Variants in COL4A1 observed in about 807,000 individuals in gnomAD.
COL4A1 encodes collagen alpha-1(IV) chain.
A neutral mutation model predicts 216.6 loss-of-function variants in COL4A1; 40 were observed. The observed-to-expected ratio is 0.18, with a 90% CI of 0.14 to 0.24. The LOEUF is 0.24. COL4A1 is among the 10% of genes least tolerant of loss of function. The pLI is 1.00. For synonymous variants in COL4A1, 839 were observed against 810.7 expected, an observed-to-expected ratio of 1.03 and a Z score of -0.59; for missense variants, 1,628 against 2,196.8, an observed-to-expected ratio of 0.74 and a Z score of 5.18.
intron 51 of COL4A1, among the ~76,000 whole-genome samples, 171 bp downstream of exon 51, chr13:110,152,163 G>A (rs894044811): frequency 2.0e-5 from 3 of 152,108 alleles, no homozygotes; most frequent in Non-Finnish European, 2.9e-5. Flanking sequence ...TGTGACTGAA[G>A]GTCTGCCTTT....
chr13:110,176,833 G>A lies in COL4A1; in HGVS notation c.2869+52C>T, dbSNP rs1037886458. 5 of 1,613,904 alleles carry A rather than the reference G, an allele frequency of 3.1e-6. No individual in the cohort carries two copies. In the African/African-American group the frequency reaches 6.7e-5, roughly 22 times the overall value. Reference sequence around the variant, plus strand: ...ATTTATGGAGGACCCGATAACCCAGGAAAGGCACATTGTGGTTCCGAGCTT... The same window carrying A: ...ATTTATGGAGGACCCGATAACCCAGAAAAGGCACATTGTGGTTCCGAGCTT... On this transcript the variant is annotated intron_variant, in intron 34 of 51. Coordinates refer to ENST00000375820, the MANE Select transcript of COL4A1 (RefSeq NM_001845.6).
intron 29 of COL4A1, 139 bp from the exon 30 acceptor site, chr13:110,179,560 G>T: frequency 7.8e-7 from 1 of 1,276,866 alleles, no homozygotes. Flanking sequence ...CTTTTCAAGC[G>T]TTTGCAAAGC....
rs1377114210 is a variant in COL4A1, at chr13:110,247,769, A to C, written c.85-5035T>G. Among the ~76,000 whole-genome samples, 3 of 144,660 alleles carry C rather than the reference A, an allele frequency of 2.1e-5. No homozygotes were observed. In the East Asian group the frequency reaches 6.2e-4, roughly 30 times the overall value. The allele number at this position is 144,660 out of a possible 152,430, so 94.9% of individuals were successfully genotyped here. On this transcript the variant is annotated intron_variant, in intron 1 of 51. Coordinates refer to ENST00000375820, the MANE Select transcript of COL4A1 (RefSeq NM_001845.6). ...GAATGCCTTTTTAACTGAACCGAAG[A>C]ATACCAGCTGCTATGCTACTCGTGT... is the stretch of plus-strand genomic sequence containing the variant.
chr13:110,247,834 T>TGG (rs1555311265), intron 1 of COL4A1, among the ~76,000 whole-genome samples: 28 of 87,312 alleles, frequency 3.2e-4, no homozygotes, highest in African/African-American at 1.1e-3. Context: ...TGTGTGTGTG[T>TGG]GGCAGAGAGA....
At chr13:110,231,275 G>A (rs1881048173) in intron 2 of COL4A1, among the ~76,000 whole-genome samples, 1 of 152,212 alleles carries the variant, frequency 6.6e-6, no homozygotes, top group Non-Finnish European at 1.5e-5. Context: ...ACATTCTGGA[G>A]TCTTGTACGT....
rs116950466 is a variant in COL4A1 at position 110,279,802 on chromosome 13, T to C, written c.84+27142A>G. On this transcript the variant is annotated intron_variant, in intron 1 of 51. Coordinates refer to ENST00000375820, the MANE Select transcript of COL4A1 (RefSeq NM_001845.6). ...TTTCTTTCATTCTCAACACTGACTT[T>C]CTTGGCACTACTATTCAGTGAGTCC... Among the ~76,000 whole-genome samples the C allele has an allele frequency of 2.0e-4, 30 of 152,358 alleles. No individual in the cohort carries two copies. The East Asian group carries it at 4.2e-3, about 22-fold the overall frequency.
At chr13:110,224,866 G>C (rs1880664355) in intron 2 of COL4A1, among the ~76,000 whole-genome samples, 3 of 151,854 alleles carry the variant, frequency 2.0e-5, no homozygotes, top group Non-Finnish European at 2.9e-5. Context: ...GTAGGTGATG[G>C]ATTTTTTTTT....
intron 2 of COL4A1, among the ~76,000 whole-genome samples, chr13:110,240,137 T>C (rs1016818816): frequency 6.6e-6 from 1 of 152,210 alleles, no homozygotes; most frequent in Non-Finnish European, 1.5e-5. Context: ...TCATTGCCTT[T>C]TAAATCACAA....
At chr13:110,180,571 T>C (rs9521632) in intron 29 of COL4A1, among the ~76,000 whole-genome samples, 51,881 of 152,244 alleles carry the variant, frequency 0.34, 8,913 homozygotes, top group South Asian at 0.37. Flanking sequence ...CAATGCCTTC[T>C]GGCAATTTCA....
chr13:110,154,624 C>A (rs759326707), intron 50 of COL4A1, among the ~76,000 whole-genome samples: 16 of 152,236 alleles, frequency 1.1e-4, no homozygotes, highest in Non-Finnish European at 2.2e-4. Context: ...AGAAGCTGCT[C>A]ATATAGAGAA....
At position 110,205,414 on chromosome 13, in the gene COL4A1, C is replaced by G. The variant is rs767732094; in HGVS notation, c.904-8G>C. 2 of 1,614,030 alleles carry G rather than the reference C, an allele frequency of 1.2e-6. No homozygotes were observed. The highest frequency in any genetic ancestry group is 2.2e-5 in the East Asian group (1 of 44,882). On this transcript the variant is annotated splice_polypyrimidine_tract_variant and splice_region_variant and intron_variant, in intron 16 of 51. Coordinates refer to ENST00000375820, the MANE Select transcript of COL4A1 (RefSeq NM_001845.6). ...GGGTTCACCAGGAAAACCCTGAAAC[C>G]GAAGAGAGAAGCAGTAACCGTCAGA...
chr13:110,150,532 A>T, intron 51 of COL4A1, 88 bp from the exon 52 acceptor site: 1 of 1,344,050 alleles, frequency 7.4e-7, no homozygotes, highest in Non-Finnish European at 1.0e-6. Context: ...GAAATCTCTA[A>T]GGGATCAGCC....
intron 37 of COL4A1, 150 bp downstream of exon 37, chr13:110,175,068 A>C: frequency 5.2e-6 from 5 of 960,932 alleles, no homozygotes; most frequent in Non-Finnish European, 8.1e-6. Flanking sequence ...TAGTGAATAC[A>C]AGGGGAAGGA....
chr13:110,283,417 G>T (rs1255004875), intron 1 of COL4A1, among the ~76,000 whole-genome samples: 1 of 152,188 alleles, frequency 6.6e-6, no homozygotes, highest in Non-Finnish European at 1.5e-5. Flanking sequence ...TGTGAGCCGT[G>T]CCCAAGCCAT....
rs898363335 is a variant in COL4A1 at position 110,210,326 on chromosome 13, G to C, written c.469-114C>G. 6 of 976,516 alleles carry C rather than the reference G, an allele frequency of 6.1e-6. No individual in the cohort carries two copies. In the African/African-American group the frequency reaches 9.7e-5, roughly 16 times the overall value. The allele number at this position is 976,516 out of a possible 1,614,324, so 60.5% of individuals were successfully genotyped here. A position where few individuals can be genotyped will look rare whatever the true frequency, so the allele number is the denominator to read the frequency against. The stretch of plus-strand genomic sequence containing the variant: ...GTGTTACAGGACTAGCCTAAGTCTG[G>C]GATTTAGACCCCGTCTACACTGGAA... On this transcript the variant is annotated intron_variant, in intron 8 of 51. Transcript: ENST00000375820.
At chr13:110,215,845 C>T (rs1245709681) in intron 2 of COL4A1, among the ~76,000 whole-genome samples, 1 of 152,176 alleles carries the variant, frequency 6.6e-6, no homozygotes, top group Non-Finnish European at 1.5e-5. Context: ...CTTTCCAAAC[C>T]ACTCAGCCAG....
Position 110,212,428 on chromosome 13 carries a change from T to C in COL4A1, c.376A>G (p.Asn126Asp). The C allele has an allele frequency of 6.2e-7, 1 of 1,613,898 alleles. No individual in the cohort carries two copies. Among genetic ancestry groups the C allele is most frequent in the Non-Finnish European group, 8.5e-7 (1 of 1,180,024 alleles). ...PPGPPGIPGC[N>D]GTKGERGPLG... ...GGTTCTGGATTTACCTTTGTGCCAT[T>C]GCATCCTGGAATACCTGGGGGGCCT... is the stretch of plus-strand genomic sequence containing the variant. The change falls in exon 6 of 52, where the codon AAT becomes GAT. Residue 126 changes from asparagine (N) to aspartate (D), a missense_variant. Asn to Asp is a conservative substitution (Grantham distance 23). Coordinates refer to ENST00000375820, the MANE Select transcript of COL4A1 (RefSeq NM_001845.6).
chr13:110,234,245 A>G (rs980552438), intron 2 of COL4A1, among the ~76,000 whole-genome samples: 5 of 152,188 alleles, frequency 3.3e-5, no homozygotes, highest in Non-Finnish European at 7.4e-5. Context: ...GGTTTTATCC[A>G]CCGATCCACT....
chr13:110,209,252 A>T (rs1879657581), intron 11 of COL4A1, 140 bp downstream of exon 11: 1 of 687,802 alleles, frequency 1.5e-6, no homozygotes, highest in East Asian at 2.6e-5. Context: ...TATATGATAG[A>T]TACTTAAAGG....
Sources: allele counts gnomAD v4.1 joint callset (sites outside exome capture counted in the v4.1 genomes callset), GRCh38; gene constraint gnomAD v4.1.1; transcripts MANE v1.5; gene names NCBI Gene and HGNC (gene_info 2026-07-23, HGNC 2026-07-21).